Variants in HYDIN observed in about 807,000 individuals in gnomAD.
The protein encoded by HYDIN is axonemal central pair apparatus protein HYDIN.
Under a neutral mutation model 403.9 loss-of-function variants are expected in HYDIN, and 132 were observed. The observed-to-expected ratio is 0.33, with a 90% CI of 0.28 to 0.38. HYDIN has a LOEUF of 0.38. HYDIN is among the 10% of genes least tolerant of loss of function. The pLI, the probability that HYDIN is intolerant of heterozygous loss-of-function variation, is 1.00. For synonymous variants in HYDIN, 1,202 were observed against 1,891.7 expected (o/e 0.64, Z 9.46); for missense variants, 2,827 against 5,009.5 (o/e 0.56, Z 13.15).
chr16:70,839,990 G>A (rs1403001064), intron 76 of HYDIN, 74 bp downstream of exon 76: 3 of 826,154 alleles, frequency 3.6e-6, no homozygotes, highest in Admixed American at 2.9e-5. Context: ...TCTTGGCAGG[G>A]CTTCACCTGT....
intron 5 of HYDIN, among the ~76,000 whole-genome samples, chr16:71,163,270 C>G (rs1430303374): frequency 6.6e-6 from 1 of 152,032 alleles, no homozygotes; most frequent in Non-Finnish European, 1.5e-5. Flanking sequence ...CTAGAGGCAC[C>G]CGCCACCACG....
intron 1 of HYDIN, among the ~76,000 whole-genome samples, chr16:71,215,507 G>A (rs1242340915): frequency 6.6e-6 from 1 of 151,808 alleles, no homozygotes; most frequent in East Asian, 1.9e-4. Flanking sequence ...TCTTGATGGG[G>A]AACATTATAA....
At chr16:70,956,886 G>A (rs2143937168) in intron 39 of HYDIN, among the ~76,000 whole-genome samples, 1 of 151,304 alleles carries the variant, frequency 6.6e-6, no homozygotes, top group South Asian at 2.1e-4. Flanking sequence ...CACACCGTGA[G>A]TATGGCACCC....
Position 71,093,813 on chromosome 16 carries a change from T to C in HYDIN, c.1446+4A>G, listed in dbSNP as rs1207482015. ...AAGTATCAACGAACAACTCTAGTGC[T>C]TACCTCATAACAATGTGCAGATCCA... On this transcript the variant is annotated splice_donor_region_variant and intron_variant, in intron 11 of 85. Coordinates refer to ENST00000393567, the MANE Select transcript of HYDIN (RefSeq NM_001270974.2). 6.2e-7 allele frequency: 1 copy of C among 1,612,650 alleles called. No individual in the cohort carries two copies. The highest frequency in any genetic ancestry group is 2.2e-5 in the East Asian group (1 of 44,846).
rs569523666 is a variant in HYDIN at position 70,926,935 on chromosome 16, A to C, written c.7159-5718T>G. On this transcript the variant is annotated intron_variant, in intron 45 of 85. Transcript: ENST00000393567. ...GACCATATGTCAGAAGAAAATATTCAGTATAAAGAGAGGACAAAAGTATGT... is the reference window on the plus strand; with the variant it reads ...GACCATATGTCAGAAGAAAATATTCCGTATAAAGAGAGGACAAAAGTATGT... Among the ~76,000 whole-genome samples, 4 of 152,364 alleles carry C rather than the reference A, an allele frequency of 2.6e-5. No homozygotes were observed. The South Asian group carries it at 8.3e-4, about 32-fold the overall frequency.
At chr16:71,116,486 A>C (rs11075869) in intron 9 of HYDIN, among the ~76,000 whole-genome samples, 15,030 of 110,006 alleles carry the variant, frequency 0.14, no homozygotes, top group East Asian at 0.18. Flanking sequence ...TGCTGCAATG[A>C]ACATGGGGGT....
intron 18 of HYDIN, among the ~76,000 whole-genome samples, chr16:71,058,517 G>A (rs2081974719): frequency 7.8e-6 from 1 of 128,260 alleles, no homozygotes; most frequent in African/African-American, 2.9e-5. Flanking sequence ...TGGGTGCAGT[G>A]CACCAGCATG....
intron 60 of HYDIN, 143 bp from the exon 61 acceptor site, chr16:70,879,899 G>T: frequency 2.1e-6 from 1 of 472,216 alleles, no homozygotes; most frequent in South Asian, 2.3e-5. Flanking sequence ...GGGCTCTGGA[G>T]GGAACAGCCT....
At chr16:71,071,049 C>T (rs547043686) in intron 13 of HYDIN, among the ~76,000 whole-genome samples, 183 of 151,462 alleles carry the variant, frequency 1.2e-3, no homozygotes, top group Middle Eastern at 6.8e-3. Context: ...CTACATGTGA[C>T]TTTCCTGGAC....
chr16:70,990,600 C>T (rs1375443873), intron 25 of HYDIN, among the ~76,000 whole-genome samples: 4 of 151,600 alleles, frequency 2.6e-5, no homozygotes, highest in Non-Finnish European at 5.9e-5. Flanking sequence ...AAAAGAATTT[C>T]ATAGTATTGC....
chr16:71,025,822 C>T (rs2080671668), intron 20 of HYDIN, among the ~76,000 whole-genome samples: 1 of 151,878 alleles, frequency 6.6e-6, no homozygotes, highest in African/African-American at 2.4e-5. Context: ...TAAAATCTTT[C>T]ATGGGGCTTA....
chr16:70,868,071 CAG>C (rs2039866417), intron 66 of HYDIN, among the ~76,000 whole-genome samples: 1 of 152,010 alleles, frequency 6.6e-6, no homozygotes, highest in Non-Finnish European at 1.5e-5. Context: ...AGGATGAAGG[CAG>C]AGAGTGGAAT....
At chr16:70,809,739 G>T in intron 85 of HYDIN, 44 bp downstream of exon 85, 1 of 1,450,830 alleles carries the variant, frequency 6.9e-7, no homozygotes, top group South Asian at 1.1e-5. Flanking sequence ...TGAACCCAGC[G>T]TTCATGTGAG....
At chr16:71,216,182 G>C (rs2088871823) in intron 1 of HYDIN, among the ~76,000 whole-genome samples, 2 of 152,146 alleles carry the variant, frequency 1.3e-5, no homozygotes, top group African/African-American at 4.8e-5. Flanking sequence ...TCATAGCAGT[G>C]TTATTCATAA....
rs1166033427 is a variant in HYDIN at position 70,879,609 on chromosome 16, G to A, written c.10363C>T (p.Pro3455Ser). The A allele has an allele frequency of 6.2e-7, 1 of 1,613,234 alleles. No homozygotes were observed. The highest frequency in any genetic ancestry group is 1.3e-5 in the African/African-American group (1 of 74,268). ...CIFEATLDGL[P>S]STLAKSRGLV... The stretch of plus-strand genomic sequence containing the variant: ...CTGGGAGCTGGGAGTTGGTACCTGG[G>A]CAAGCCATCCAAGGTAGCCTCAAAG... The change falls in exon 61 of 86, where the codon CCC becomes TCC. Residue 3455 changes from proline to serine, a missense_variant. By Grantham distance (74) the Pro-to-Ser change is moderately conservative. Transcript: ENST00000393567.
intron 1 of HYDIN, among the ~76,000 whole-genome samples, chr16:71,216,416 C>T (rs1287690680): frequency 3.3e-5 from 5 of 152,070 alleles, no homozygotes; most frequent in South Asian, 2.1e-4. Context: ...AACTGAACTA[C>T]GTTTCTAGGA....
intron 12 of HYDIN, chr16:71,087,899 T>C (rs2082978213): frequency 1.3e-5 from 2 of 155,870 alleles, no homozygotes; most frequent in Non-Finnish European, 2.8e-5. Context: ...ATGTAAGTAA[T>C]TTCCTTAAAA....
At chr16:71,052,320 G>T (rs1260260414) in intron 18 of HYDIN, among the ~76,000 whole-genome samples, 1 of 151,680 alleles carries the variant, frequency 6.6e-6, no homozygotes, top group Non-Finnish European at 1.5e-5. Flanking sequence ...ATAACAGAAA[G>T]CTCAGAAACC....
At chr16:71,117,634 G>A (rs1275261762) in intron 9 of HYDIN, among the ~76,000 whole-genome samples, 31 of 151,626 alleles carry the variant, frequency 2.0e-4, no homozygotes, top group Non-Finnish European at 4.1e-4. Context: ...AAACAGTCCC[G>A]CCAGCTAAAT....
Sources: allele counts gnomAD v4.1 joint callset (sites outside exome capture counted in the v4.1 genomes callset), GRCh38; gene constraint gnomAD v4.1.1; transcripts MANE v1.5; gene names NCBI Gene and HGNC (gene_info 2026-07-23, HGNC 2026-07-21).